MYO10: variants seen among roughly 807,000 people sequenced by gnomAD.
The protein encoded by MYO10 is myosin X.
In MYO10, 133 loss-of-function variants were observed where a neutral mutation model predicts 257.3. The ratio of observed to expected loss-of-function variants is 0.52; its 90% CI spans 0.45 to 0.60. The LOEUF is 0.60. Ranked by LOEUF, MYO10 falls within the 20% of genes least tolerant of loss-of-function variation. MYO10 has a pLI of 0.00. For missense variants in MYO10, 2,399 were observed against 2,635.7 expected, an observed-to-expected ratio of 0.91 and a Z score of 1.97; for synonymous variants, 1,104 against 1,028.6, an observed-to-expected ratio of 1.07 and a Z score of -1.40.
intron 16 of MYO10, 85 bp from the exon 17 acceptor site, chr5:16,761,631 A>G (rs929972471): frequency 4.1e-6 from 4 of 971,512 alleles, no homozygotes; most frequent in Non-Finnish European, 6.4e-6. Context: ...AGCCACAAAA[A>G]GAAATCATTC....
intron 2 of MYO10, among the ~76,000 whole-genome samples, chr5:16,871,993 C>T (rs1348726005): frequency 6.6e-6 from 1 of 152,158 alleles, no homozygotes; most frequent in Non-Finnish European, 1.5e-5. Context: ...CATTTAAGTA[C>T]ACATTATCAT....
At chr5:16,833,321 C>T (rs1743213442) in intron 2 of MYO10, among the ~76,000 whole-genome samples, 3 of 151,252 alleles carry the variant, frequency 2.0e-5, no homozygotes, top group African/African-American at 7.3e-5. Flanking sequence ...TCAAATGATT[C>T]TCCTGCCTCA....
At chr5:16,792,313 C>T (rs1741790796) in intron 4 of MYO10, among the ~76,000 whole-genome samples, 2 of 152,164 alleles carry the variant, frequency 1.3e-5, no homozygotes, top group East Asian at 1.9e-4. Context: ...AATGGCTTTC[C>T]GTGTGTGGCA....
intron 19 of MYO10, among the ~76,000 whole-genome samples, chr5:16,731,002 C>CCAAGGCTG (rs1323969041): frequency 1.3e-5 from 2 of 150,812 alleles, no homozygotes; most frequent in African/African-American, 2.5e-5. Context: ...GAGGCCACCT[C>CCAAGGCTG]CAAGGCTGGC....
intron 19 of MYO10, among the ~76,000 whole-genome samples, chr5:16,711,923 A>G (rs948794898): frequency 2.6e-5 from 4 of 152,176 alleles, no homozygotes; most frequent in African/African-American, 7.2e-5. Flanking sequence ...CCATGTTCAC[A>G]TTTCTGGCTG....
intron 3 of MYO10, 146 bp downstream of exon 3, chr5:16,817,863 G>T: frequency 1.3e-6 from 1 of 773,534 alleles, no homozygotes; most frequent in Non-Finnish European, 1.9e-6. Context: ...TTTGACCCAA[G>T]TTTCTAATGT....
At chr5:16,722,794 C>G (rs1006882025) in intron 19 of MYO10, among the ~76,000 whole-genome samples, 7 of 151,958 alleles carry the variant, frequency 4.6e-5, no homozygotes, top group Admixed American at 4.6e-4. Context: ...GATACAACAA[C>G]AAAAGAATGT....
At chr5:16,734,767 T>C (rs1739723440) in intron 19 of MYO10, among the ~76,000 whole-genome samples, 1 of 150,900 alleles carries the variant, frequency 6.6e-6, no homozygotes, top group Non-Finnish European at 1.5e-5. Flanking sequence ...ACTGCGCCAT[T>C]GCACTCCAGC....
chr5:16,934,525 T>A (rs1418832783), intron 1 of MYO10, among the ~76,000 whole-genome samples: 1 of 152,176 alleles, frequency 6.6e-6, no homozygotes, highest in Non-Finnish European at 1.5e-5. Flanking sequence ...TCGACAAGCA[T>A]GAAAACAAAA....
intron 8 of MYO10, among the ~76,000 whole-genome samples, chr5:16,779,896 A>C (rs372364804): frequency 4.6e-5 from 7 of 152,112 alleles, no homozygotes; most frequent in African/African-American, 1.7e-4. Flanking sequence ...TTCTCTTAAA[A>C]AATCTTTCTT....
intron 1 of MYO10, among the ~76,000 whole-genome samples, chr5:16,906,396 G>C (rs1745520358): frequency 6.6e-6 from 1 of 152,134 alleles, no homozygotes; most frequent in Admixed American, 6.6e-5. Context: ...ACCATTCCTG[G>C]CTTCTACTCC....
rs1401824608 is a variant in MYO10, at chr5:16,879,162, C to G, written c.22-1455G>C. 2.6e-5 allele frequency among the ~76,000 whole-genome samples: 4 copies of G among 152,128 alleles called. No individual in the cohort carries two copies. In the East Asian group the frequency reaches 5.8e-4, roughly 22 times the overall value. ...TCAATGTATTCAAGTGGAAATAGAA[C>G]AAAATTATCACTTGACATAGCACTT... is the stretch of plus-strand genomic sequence containing the variant. On this transcript the variant is annotated intron_variant, in intron 1 of 40. Coordinates refer to ENST00000513610, the MANE Select transcript of MYO10 (RefSeq NM_012334.3).
chr5:16,738,278 A>AGG, intron 19 of MYO10: 1 of 985,190 alleles, frequency 1.0e-6, no homozygotes. Context: ...GTCAGGAAGG[A>AGG]GGGGTGGTTA....
In MYO10 at chr5:16,676,142, T is replaced by C; in HGVS notation, c.4555A>G (p.Asn1519Asp). 1 of 1,612,546 alleles carries C rather than the reference T, an allele frequency of 6.2e-7. No homozygotes were observed. Among genetic ancestry groups the C allele is most frequent in the Non-Finnish European group, 8.5e-7 (1 of 1,179,460 alleles). The change falls in exon 34 of 41, where the codon AAC becomes GAC. Residue 1519 changes from asparagine (N) to aspartate (D), a missense_variant. Transcript: ENST00000513610. The part of the protein sequence containing the change: ...LIQDIKENCL[N>D]SDVVEQIYKR... Reference sequence around the variant, plus strand: ...TAAATCTGTTCCACCACATCCGAGTTCAGGCAGTTCTCCTAAAAATAAAGC... The same window carrying C: ...TAAATCTGTTCCACCACATCCGAGTCCAGGCAGTTCTCCTAAAAATAAAGC...
chr5:16,851,500 A>C (rs1037374102), intron 2 of MYO10, among the ~76,000 whole-genome samples: 2 of 152,188 alleles, frequency 1.3e-5, no homozygotes, highest in African/African-American at 4.8e-5. Context: ...AGAGCACTCA[A>C]ATGAAAATAT....
In MYO10 at chr5:16,671,575, T is replaced by C. The variant is rs558500007; in HGVS notation, c.5310-33A>G. 51 of 1,613,534 alleles carry C rather than the reference T, an allele frequency of 3.2e-5. No homozygotes were observed. The East Asian group carries it at 8.9e-4, about 28-fold the overall frequency. On this transcript the variant is annotated intron_variant, in intron 37 of 40. Transcript: ENST00000513610. ...GAGGAGTCAAGAGAGGCTCAGAATA[T>C]GAACGAGAAGGGCCTTCAGTGACCC...
rs1458425868 is a variant in MYO10, at chr5:16,662,867, G to A, written c.*3825C>T. On this transcript the variant is annotated 3_prime_UTR_variant, in exon 41 of 41. Coordinates refer to ENST00000513610, the MANE Select transcript of MYO10 (RefSeq NM_012334.3). ...AGCTCTCTTGCCTGCTGCCATATAA[G>A]ATGTGCCTTTTCTCCTCCTTTGCTG... The A allele has an allele frequency of 2.0e-5, 3 of 152,206 alleles. No individual in the cohort carries two copies. The highest frequency in any genetic ancestry group is 7.2e-5 in the African/African-American group (3 of 41,430). The allele number at this position is 152,206 out of a possible 1,614,324, so 9.4% of individuals were successfully genotyped here. A position where few individuals can be genotyped will look rare whatever the true frequency, so the allele number is the denominator to read the frequency against.
At chr5:16,818,400 G>GTATATATATATACGTCTATATA (rs1561000850) in intron 2 of MYO10, among the ~76,000 whole-genome samples, 6 of 112,456 alleles carry the variant, frequency 5.3e-5, no homozygotes, top group African/African-American at 2.2e-4. Flanking sequence ...GTGTGTGTGT[G>GTATATATATATACGTCTATATA]TGTGTGTGTG....
At chr5:16,697,868 C>G (rs1209420039) in intron 26 of MYO10, among the ~76,000 whole-genome samples, 1 of 152,068 alleles carries the variant, frequency 6.6e-6, no homozygotes, top group African/African-American at 2.4e-5. Flanking sequence ...GTTCTCATAT[C>G]CCTGCCCATC....
Sources: allele counts gnomAD v4.1 joint callset (sites outside exome capture counted in the v4.1 genomes callset), GRCh38; gene constraint gnomAD v4.1.1; transcripts MANE v1.5; gene names NCBI Gene and HGNC (gene_info 2026-07-23, HGNC 2026-07-21).